Variants in KCNK13 observed in about 807,000 individuals in gnomAD.
KCNK13 encodes potassium two pore domain channel subfamily K member 13.
In KCNK13, 12 loss-of-function variants were observed where a neutral mutation model predicts 23.4. The ratio of observed to expected loss-of-function variants is 0.51; its 90% CI spans 0.33 to 0.83. KCNK13 has a LOEUF of 0.83. Ranked by LOEUF, KCNK13 falls within the 40% of genes least tolerant of loss-of-function variation. KCNK13 has a pLI of 0.02. For missense variants in KCNK13, 463 were observed against 556.3 expected (o/e 0.83, Z 1.69); for synonymous variants, 231 against 229.5 (o/e 1.01, Z -0.06).
At chr14:90,159,946 GGTGTGTGT>G (rs3060015) in intron 1 of KCNK13, among the ~76,000 whole-genome samples, 21 of 148,300 alleles carry the variant, frequency 1.4e-4, no homozygotes, top group East Asian at 2.0e-4. Flanking sequence ...TGTGTGTAGG[GGTGTGTGT>G]GTGTGTGTGT....
chr14:90,129,078 T>C (rs1396273334), intron 1 of KCNK13, among the ~76,000 whole-genome samples: 1 of 152,214 alleles, frequency 6.6e-6, no homozygotes, highest in East Asian at 1.9e-4. Context: ...ACTTTTGACT[T>C]TGAGATTACA....
chr14:90,082,241 T>G (rs1244745637), intron 1 of KCNK13, among the ~76,000 whole-genome samples: 1 of 151,986 alleles, frequency 6.6e-6, no homozygotes, highest in African/African-American at 2.4e-5. Flanking sequence ...TTTTTTTTTT[T>G]TTTAGTAGAG....
Position 90,062,318 on chromosome 14 carries a change from TCTC to T in KCNK13, c.115_117del (p.Ser39del). 6.4e-7 allele frequency: 1 copy of T among 1,555,490 alleles called. No homozygotes were observed. Among genetic ancestry groups the T allele is most frequent in the Non-Finnish European group, 8.6e-7 (1 of 1,157,052 alleles). ...TACCTGCTGGGCGGCGCCGCCGTCT[TCTC>T]CGCGCTGGAGCTGGCGCACGAGCGC... On this transcript the variant is annotated inframe_deletion, in exon 1 of 2. Transcript: ENST00000282146. The surrounding 1 kb of genome is among the most constrained non-coding windows in gnomAD (Gnocchi z 4.5).
At chr14:90,138,838 A>G (rs145228798) in intron 1 of KCNK13, among the ~76,000 whole-genome samples, 1,579 of 152,266 alleles carry the variant, frequency 0.01, 22 homozygotes, top group African/African-American at 0.036. Flanking sequence ...CACTAGTGAC[A>G]TCTCTTTGAC....
At chr14:90,178,293 T>A (rs1176334009) in intron 1 of KCNK13, among the ~76,000 whole-genome samples, 3 of 151,632 alleles carry the variant, frequency 2.0e-5, no homozygotes, top group Non-Finnish European at 4.4e-5. Flanking sequence ...TTTTATTTTT[T>A]ATTTTTATTT....
intron 1 of KCNK13, among the ~76,000 whole-genome samples, chr14:90,077,816 T>C (rs1889158308): frequency 6.6e-6 from 1 of 152,222 alleles, no homozygotes; most frequent in Non-Finnish European, 1.5e-5. Context: ...CTTCATTAAA[T>C]CTTGCTCGCT....
At chr14:90,165,069 T>C (rs1890288616) in intron 1 of KCNK13, among the ~76,000 whole-genome samples, 1 of 152,228 alleles carries the variant, frequency 6.6e-6, no homozygotes, top group Admixed American at 6.5e-5. Flanking sequence ...ACATGGTGGC[T>C]GGCAAGAGAG....
At chr14:90,103,238 A>G (rs1244778066) in intron 1 of KCNK13, among the ~76,000 whole-genome samples, 2 of 152,216 alleles carry the variant, frequency 1.3e-5, no homozygotes, top group Non-Finnish European at 2.9e-5. Context: ...TAGCAAGGTG[A>G]GGAACATACC....
At chr14:90,114,508 C>T (rs1014481858) in intron 1 of KCNK13, among the ~76,000 whole-genome samples, 1 of 152,194 alleles carries the variant, frequency 6.6e-6, no homozygotes, top group Non-Finnish European at 1.5e-5. Flanking sequence ...ATGGTGTCAA[C>T]CTAACTAGAA....
At chr14:90,172,974 C>G (rs776747357) in intron 1 of KCNK13, among the ~76,000 whole-genome samples, 1 of 152,210 alleles carries the variant, frequency 6.6e-6, no homozygotes, top group Non-Finnish European at 1.5e-5. Context: ...CAAACCTGCC[C>G]CCTTCCAAGC....
At chr14:90,134,356 G>A (rs1473733845) in intron 1 of KCNK13, among the ~76,000 whole-genome samples, 5 of 152,132 alleles carry the variant, frequency 3.3e-5, no homozygotes, top group African/African-American at 9.7e-5. Context: ...TTTCTTGTAC[G>A]CAGAGGTAAC....
rs144539577 is a variant in KCNK13 at position 90,088,540 on chromosome 14, A to C, written c.334+26001A>C. ...CTGTGGACCTCAGAGTGCTTGAGAA[A>C]ACCTGAATTCACTGTCAACTTTTTA... On this transcript the variant is annotated intron_variant, in intron 1 of 1. Transcript: ENST00000282146. Among the ~76,000 whole-genome samples, 477 of 152,224 alleles carry C rather than the reference A, an allele frequency of 3.1e-3. 3 individuals are homozygous for C. Among genetic ancestry groups the C allele is most frequent in the African/African-American group, 0.011 (456 of 41,542 alleles).
At chr14:90,118,114 A>G (rs1050777348) in intron 1 of KCNK13, among the ~76,000 whole-genome samples, 1 of 152,244 alleles carries the variant, frequency 6.6e-6, no homozygotes, top group Non-Finnish European at 1.5e-5. Context: ...TAGTGAAAAC[A>G]GGGCTTTTAT....
At position 90,146,693 on chromosome 14, in the gene KCNK13, A is replaced by G. The variant is rs532124682; in HGVS notation, c.335-37418A>G. 5.1e-4 allele frequency among the ~76,000 whole-genome samples: 77 copies of G among 152,254 alleles called. No homozygotes were observed. In the Middle Eastern group the frequency reaches 0.024, roughly 47 times the overall value. On this transcript the variant is annotated intron_variant, in intron 1 of 1. Coordinates refer to ENST00000282146, the MANE Select transcript of KCNK13 (RefSeq NM_022054.4). ...TAAAAATGGGTTGCTTGTAGGCAGC[A>G]TATAGTTGAATTTGATTTTTTTTTT...
chr14:90,131,077 G>A (rs1432209580), intron 1 of KCNK13, among the ~76,000 whole-genome samples: 2 of 152,062 alleles, frequency 1.3e-5, no homozygotes, highest in Non-Finnish European at 2.9e-5. Context: ...GTTTCCATGA[G>A]AACTTATGGA....
At chr14:90,070,295 C>CA (rs1450663264) in intron 1 of KCNK13, among the ~76,000 whole-genome samples, 3 of 152,112 alleles carry the variant, frequency 2.0e-5, no homozygotes, top group Non-Finnish European at 4.4e-5. Flanking sequence ...TGTAATTAGG[C>CA]AAAAATGAAT....
intron 1 of KCNK13, among the ~76,000 whole-genome samples, chr14:90,114,391 C>T (rs574894670): frequency 2.0e-5 from 3 of 152,180 alleles, no homozygotes; most frequent in South Asian, 2.1e-4. Context: ...ACTGACATCT[C>T]GTTGACACCC....
intron 1 of KCNK13, among the ~76,000 whole-genome samples, chr14:90,159,716 A>G (rs1046278012): frequency 2.6e-5 from 4 of 152,242 alleles, no homozygotes; most frequent in African/African-American, 9.6e-5. Flanking sequence ...CAAAAGTCCT[A>G]CGAGGGTGGT....
intron 1 of KCNK13, among the ~76,000 whole-genome samples, chr14:90,079,086 C>A (rs965842430): frequency 2.6e-5 from 4 of 152,150 alleles, no homozygotes; most frequent in African/African-American, 9.7e-5. Flanking sequence ...AGGAGTTGGG[C>A]CTCTTCAGCT....
Sources: allele counts gnomAD v4.1 joint callset (sites outside exome capture counted in the v4.1 genomes callset), GRCh38; gene constraint gnomAD v4.1.1; non-coding constraint Gnocchi (gnomAD v3.1); transcripts MANE v1.5; gene names NCBI Gene and HGNC (gene_info 2026-07-23, HGNC 2026-07-21).